Variants in COL17A1 observed in about 807,000 individuals in gnomAD.
COL17A1 encodes the protein collagen alpha-1(XVII) chain.
A neutral mutation model predicts 218.4 loss-of-function variants in COL17A1; 181 were observed. The observed-to-expected ratio is 0.83, with a 90% CI of 0.73 to 0.94. COL17A1 has a LOEUF of 0.94. COL17A1 is among the 40% of genes least tolerant of loss of function. COL17A1 has a pLI of 0.00. For synonymous variants in COL17A1, 721 were observed against 731.0 expected (o/e 0.99, Z 0.22); for missense variants, 1,924 against 1,945.9 (o/e 0.99, Z 0.21).
intron 32 of COL17A1, among the ~76,000 whole-genome samples, chr10:104,046,246 T>C (rs2086408415): frequency 6.6e-6 from 1 of 152,234 alleles, no homozygotes. Flanking sequence ...CCTGATTTCA[T>C]TTTCAATCTT....
At chr10:104,046,873 G>T in intron 31 of COL17A1, 100 bp from the exon 32 acceptor site, 2 of 1,072,826 alleles carry the variant, frequency 1.9e-6, no homozygotes, top group Admixed American at 3.9e-5. Flanking sequence ...TGCAGTGGAG[G>T]GGTCAGTGGG....
intron 28 of COL17A1, 48 bp from the exon 29 acceptor site, chr10:104,049,519 T>C: frequency 6.3e-7 from 1 of 1,591,818 alleles, no homozygotes; most frequent in African/African-American, 1.3e-5. Flanking sequence ...AAGCTGTGTA[T>C]GCTTTAACAA....
At position 104,036,580 on chromosome 10, in the gene COL17A1, C is replaced by G. The variant is rs761375193; in HGVS notation, c.3330G>C (p.Pro1110=). The change falls in exon 48 of 56, where the codon CCG becomes CCC. Residue 1110 remains proline, a synonymous_variant. Coordinates refer to ENST00000648076, the MANE Select transcript of COL17A1 (RefSeq NM_000494.4). ...CTCCACTGGCTCCTGGTGGCCCTGGCGGACCCCGAGGGCCCATCAAGTACT... is the reference window on the plus strand; with the variant it reads ...CTCCACTGGCTCCTGGTGGCCCTGGGGGACCCCGAGGGCCCATCAAGTACT... ...LRQYLMGPRG[P]PGPPGASGDG... is the part of the protein sequence containing the mutation. The G allele has an allele frequency of 3.7e-6, 6 of 1,613,824 alleles. No homozygotes were observed.
intron 4 of COL17A1, among the ~76,000 whole-genome samples, chr10:104,076,899 G>A (rs1270650262): frequency 3.9e-5 from 6 of 152,174 alleles, no homozygotes; most frequent in Non-Finnish European, 7.3e-5. Context: ...TAGTTTGAAA[G>A]AGTGCTTCAC....
At chr10:104,061,804 G>A (rs956632375) in intron 12 of COL17A1, among the ~76,000 whole-genome samples, 1 of 152,258 alleles carries the variant, frequency 6.6e-6, no homozygotes. Context: ...TCTCATGTGT[G>A]TTAGACTTTC....
rs747312603 is a variant in COL17A1, at chr10:104,039,128, T to C, written c.2897-7A>G. ...CCTGGAACACCTGGATCACCTGGAA[T>C]CCAAAATGAGAAGTTTGCCTCACCT... On this transcript the variant is annotated splice_region_variant and splice_polypyrimidine_tract_variant and intron_variant, in intron 43 of 55. Transcript: ENST00000648076. 6.2e-7 allele frequency: 1 copy of C among 1,614,080 alleles called. No individual in the cohort carries two copies. Among genetic ancestry groups the C allele is most frequent in the Admixed American group, 1.7e-5 (1 of 60,024 alleles).
In COL17A1 at chr10:104,058,458, T is replaced by C. The variant is rs117454137; in HGVS notation, c.1223-268A>G. On this transcript the variant is annotated intron_variant, in intron 15 of 55. Transcript: ENST00000648076. ...TAAACCTTAACACCTCAAAACATTTTTGGAACACCAAGTTATGGGTGCCGC... is the reference window on the plus strand; with the variant it reads ...TAAACCTTAACACCTCAAAACATTTCTGGAACACCAAGTTATGGGTGCCGC... Among the ~76,000 whole-genome samples, 573 of 152,336 alleles carry C rather than the reference T, an allele frequency of 3.8e-3. 7 individuals carry two copies. The highest frequency in any genetic ancestry group is 4.7e-3 in the Non-Finnish European group (323 of 68,012).
At chr10:104,052,922 A>C in intron 23 of COL17A1, 109 bp downstream of exon 23, 1 of 1,360,512 alleles carries the variant, frequency 7.4e-7, no homozygotes, top group Non-Finnish European at 1.0e-6. Flanking sequence ...TGCTCAGTAA[A>C]TGAAGGAAGG....
intron 17 of COL17A1, among the ~76,000 whole-genome samples, chr10:104,056,245 C>T (rs988972526): frequency 6.6e-6 from 1 of 152,168 alleles, no homozygotes; most frequent in South Asian, 2.1e-4. Context: ...GGTGACAAAG[C>T]TTGTCCTCAC....
intron 1 of COL17A1, among the ~76,000 whole-genome samples, chr10:104,081,554 C>T (rs2086764887): frequency 6.6e-6 from 1 of 152,214 alleles, no homozygotes; most frequent in Admixed American, 6.5e-5. Flanking sequence ...CTCTTCTCTT[C>T]TTGCTGTGCT....
intron 12 of COL17A1, among the ~76,000 whole-genome samples, chr10:104,061,721 A>T (rs1329351333): frequency 6.6e-6 from 1 of 151,872 alleles, no homozygotes; most frequent in African/African-American, 2.4e-5. Context: ...TCTCTCCTGA[A>T]CTCCTACAGC....
At chr10:104,050,523 G>A in intron 27 of COL17A1, 98 bp downstream of exon 27, 2 of 1,598,440 alleles carry the variant, frequency 1.3e-6, no homozygotes, top group Non-Finnish European at 1.7e-6. Flanking sequence ...TCTTGGTCCA[G>A]GTCCTGTGCA....
chr10:104,072,007 T>C (rs753657296), intron 8 of COL17A1, 25 bp downstream of exon 8: 1 of 1,614,038 alleles, frequency 6.2e-7, no homozygotes, highest in Admixed American at 1.7e-5. Flanking sequence ...GACCCTTTCT[T>C]TTCAGCAAGA....
chr10:104,060,229 A>G lies in COL17A1; in HGVS notation c.1031T>C (p.Phe344Ser). The change falls in exon 14 of 56, where the codon TTC becomes TCC. Residue 344 changes from phenylalanine (F) to serine (S), a missense_variant. Phe to Ser is a radical substitution (Grantham distance 155). Coordinates refer to ENST00000648076, the MANE Select transcript of COL17A1 (RefSeq NM_000494.4). Reference sequence around the variant, plus strand: ...TGTGTTGTCTTTCTCTAGGATCAGGAACTTGCAGTCCTTGTGCAAAAGGTC... The same window carrying G: ...TGTGTTGTCTTTCTCTAGGATCAGGGACTTGCAGTCCTTGTGCAAAAGGTC... ...SDDLLHKDCK[F>S]LILEKDNTPA... 1 of 1,614,150 alleles carries G rather than the reference A, an allele frequency of 6.2e-7. No homozygotes were observed. Among genetic ancestry groups the G allele is most frequent in the Non-Finnish European group, 8.5e-7 (1 of 1,180,008 alleles).
chr10:104,057,189 G>A lies in COL17A1; in HGVS notation c.1268-17C>T, dbSNP rs1197202941. The A allele has an allele frequency of 1.9e-6, 3 of 1,613,912 alleles. No homozygotes were observed. Among genetic ancestry groups the A allele is most frequent in the Non-Finnish European group, 2.5e-6 (3 of 1,179,878 alleles). ...TGTGGATATCTGTGAAAGAGACAGG[G>A]AAAATGAAGCAAATGCAGGCAGCTC... On this transcript the variant is annotated splice_polypyrimidine_tract_variant and intron_variant, in intron 16 of 55. Coordinates refer to ENST00000648076, the MANE Select transcript of COL17A1 (RefSeq NM_000494.4).
At chr10:104,070,965 A>C (rs74154730) in intron 8 of COL17A1, among the ~76,000 whole-genome samples, 6,042 of 152,262 alleles carry the variant, frequency 0.04, 396 homozygotes, top group African/African-American at 0.14. Flanking sequence ...GATGCATCTG[A>C]TATTGGGTCC....
intron 50 of COL17A1, 97 bp from the exon 51 acceptor site, chr10:104,034,864 G>T: frequency 6.7e-7 from 1 of 1,498,166 alleles, no homozygotes. Flanking sequence ...CACCTGAAAG[G>T]AGGGGATGAG....
chr10:104,059,451 T>C (rs1470789491), intron 15 of COL17A1, 187 bp downstream of exon 15: 4 of 643,420 alleles, frequency 6.2e-6, no homozygotes, highest in Non-Finnish European at 1.1e-5. Flanking sequence ...GGAAGCTTGT[T>C]GAACTGCAGC....
At chr10:104,068,800 T>G (rs2086647227) in intron 9 of COL17A1, among the ~76,000 whole-genome samples, 1 of 152,224 alleles carries the variant, frequency 6.6e-6, no homozygotes, top group Non-Finnish European at 1.5e-5. Context: ...GAAGTTAGAT[T>G]GTTTAGCCTA....
Sources: allele counts gnomAD v4.1 joint callset (sites outside exome capture counted in the v4.1 genomes callset), GRCh38; gene constraint gnomAD v4.1.1; transcripts MANE v1.5; gene names NCBI Gene and HGNC (gene_info 2026-07-23, HGNC 2026-07-21).